The following CAMK1D variants were observed in gnomAD, a reference collection of about 807,000 sequenced individuals.
CAMK1D encodes the protein calcium/calmodulin dependent protein kinase ID.
Under a neutral mutation model 47.7 loss-of-function variants are expected in CAMK1D, and 9 were observed. The observed-to-expected ratio is 0.19, with a 90% CI of 0.11 to 0.33. The LOEUF (loss-of-function observed/expected upper bound fraction) is 0.33. Among genes scored for constraint, CAMK1D ranks in the 10% least tolerant of loss-of-function variants. CAMK1D has a pLI of 1.00. For missense variants in CAMK1D, 291 were observed against 488.7 expected (o/e 0.60, Z 3.81); for synonymous variants, 184 against 184.9 (o/e 0.99, Z 0.04).
At chr10:12,649,772 C>T (rs1347243974) in intron 2 of CAMK1D, among the ~76,000 whole-genome samples, 1 of 152,188 alleles carries the variant, frequency 6.6e-6, no homozygotes, top group Non-Finnish European at 1.5e-5. Context: ...AACTCATTCT[C>T]CAAGGAAATC....
intron 1 of CAMK1D, among the ~76,000 whole-genome samples, chr10:12,397,444 C>G (rs1211847031): frequency 6.6e-6 from 1 of 152,148 alleles, no homozygotes; most frequent in Non-Finnish European, 1.5e-5. Context: ...CAGATAAAAC[C>G]ATTTATTCTT....
At chr10:12,682,564 T>C (rs1832485833) in intron 3 of CAMK1D, among the ~76,000 whole-genome samples, 1 of 152,222 alleles carries the variant, frequency 6.6e-6, no homozygotes, top group African/African-American at 2.4e-5. Context: ...TGAATATAGA[T>C]ATTGCAGCAG....
chr10:12,527,667 C>T (rs554342161), intron 1 of CAMK1D, among the ~76,000 whole-genome samples: 4 of 152,106 alleles, frequency 2.6e-5, no homozygotes, highest in South Asian at 2.1e-4. Context: ...TGAGCCACCG[C>T]GCCCAGTTTT....
At chr10:12,541,405 C>T (rs979274182) in intron 1 of CAMK1D, among the ~76,000 whole-genome samples, 7 of 152,068 alleles carry the variant, frequency 4.6e-5, no homozygotes, top group Non-Finnish European at 8.8e-5. Context: ...GCTCTGTGAC[C>T]CAGGCTGGAG....
At chr10:12,472,257 C>G (rs1833769353) in intron 1 of CAMK1D, among the ~76,000 whole-genome samples, 1 of 152,102 alleles carries the variant, frequency 6.6e-6, no homozygotes, top group African/African-American at 2.4e-5. Flanking sequence ...CATGTCTAAA[C>G]TTATCACGAG....
intron 2 of CAMK1D, among the ~76,000 whole-genome samples, chr10:12,585,839 C>G (rs1461994773): frequency 6.6e-6 from 1 of 152,228 alleles, no homozygotes; most frequent in Non-Finnish European, 1.5e-5. Flanking sequence ...CAGTGACCTG[C>G]CATCTCGATC....
chr10:12,774,068 G>T (rs1208627704), intron 5 of CAMK1D, among the ~76,000 whole-genome samples: 3 of 126,464 alleles, frequency 2.4e-5, no homozygotes, highest in Non-Finnish European at 3.3e-5. Context: ...ACTGGTGCGG[G>T]GGGAGGGGGG....
At chr10:12,790,623 A>T (rs958810088) in intron 5 of CAMK1D, among the ~76,000 whole-genome samples, 84 of 147,752 alleles carry the variant, frequency 5.7e-4, no homozygotes, top group African/African-American at 1.0e-3. Context: ...GCACACACAC[A>T]CTCACCCACA....
At chr10:12,745,426 C>A (rs912403414) in intron 3 of CAMK1D, among the ~76,000 whole-genome samples, 1 of 151,998 alleles carries the variant, frequency 6.6e-6, no homozygotes, top group South Asian at 2.1e-4. Context: ...CACACACACG[C>A]TAGAATACTA....
intron 2 of CAMK1D, among the ~76,000 whole-genome samples, chr10:12,578,160 G>A (rs1048614776): frequency 3.9e-5 from 6 of 151,926 alleles, no homozygotes; most frequent in African/African-American, 1.5e-4. Context: ...CTGCAGCCTC[G>A]ACCTCCCGGG....
At position 12,464,814 on chromosome 10, in the gene CAMK1D, TAA is replaced by T. The variant is rs11286227; in HGVS notation, c.93-88395_93-88394del. Among the ~76,000 whole-genome samples the T allele has an allele frequency of 6.3e-3, 894 of 142,270 alleles. 5 individuals carry two copies. Among genetic ancestry groups the T allele is most frequent in the African/African-American group, 0.018 (677 of 37,814 alleles). The allele number at this position is 142,270 out of a possible 152,430, so 93.3% of individuals were successfully genotyped here. Reference sequence around the variant, plus strand: ...TGGGTGACAGAGCGAGACTCCATCTTAAAAAAAAAAAAAAAAAGAGTGATCAA... The same window carrying T: ...TGGGTGACAGAGCGAGACTCCATCTTAAAAAAAAAAAAAAAGAGTGATCAA... On this transcript the variant is annotated intron_variant, in intron 1 of 10. Transcript: ENST00000619168.
chr10:12,598,175 A>G (rs3995697), intron 2 of CAMK1D, among the ~76,000 whole-genome samples: 1 of 152,224 alleles, frequency 6.6e-6, no homozygotes, highest in African/African-American at 2.4e-5. Context: ...CGGGAAAGCA[A>G]TAGCAGAACC....
intron 2 of CAMK1D, among the ~76,000 whole-genome samples, chr10:12,603,995 T>C (rs1346544383): frequency 6.6e-6 from 1 of 152,184 alleles, no homozygotes; most frequent in Non-Finnish European, 1.5e-5. Context: ...GCCTGCTTCA[T>C]AGCCAGCCAC....
At chr10:12,531,701 T>G (rs753062095) in intron 1 of CAMK1D, among the ~76,000 whole-genome samples, 4 of 152,208 alleles carry the variant, frequency 2.6e-5, no homozygotes, top group Non-Finnish European at 4.4e-5. Context: ...TGCAGACTAA[T>G]TATAACTGAG....
chr10:12,618,407 A>G (rs1022989793), intron 2 of CAMK1D, among the ~76,000 whole-genome samples: 1 of 152,080 alleles, frequency 6.6e-6, no homozygotes, highest in South Asian at 2.1e-4. Context: ...TCTCTAGTTC[A>G]TTGTTTATAG....
At chr10:12,450,226 T>G (rs1489486750) in intron 1 of CAMK1D, among the ~76,000 whole-genome samples, 2 of 152,130 alleles carry the variant, frequency 1.3e-5, no homozygotes, top group Non-Finnish European at 2.9e-5. Flanking sequence ...TTATCACAAC[T>G]AATACAATTA....
At chr10:12,416,134 C>A (rs922772019) in intron 1 of CAMK1D, 2 of 151,920 alleles carry the variant, frequency 1.3e-5, no homozygotes, top group African/African-American at 4.8e-5. Flanking sequence ...ATATAGAATT[C>A]ACTTTTTGGA....
At chr10:12,609,213 C>G (rs545374129) in intron 2 of CAMK1D, among the ~76,000 whole-genome samples, 1 of 152,198 alleles carries the variant, frequency 6.6e-6, no homozygotes, top group South Asian at 2.1e-4. Context: ...ATTCAGTGAC[C>G]AAAGAGAGCT....
intron 3 of CAMK1D, among the ~76,000 whole-genome samples, chr10:12,745,705 C>T (rs776277471): frequency 4.6e-5 from 7 of 151,374 alleles, no homozygotes; most frequent in African/African-American, 1.7e-4. Context: ...TGGGTTCAAA[C>T]GATTCTCCTG....
Sources: allele counts gnomAD v4.1 joint callset (sites outside exome capture counted in the v4.1 genomes callset), GRCh38; gene constraint gnomAD v4.1.1; transcripts MANE v1.5; gene names NCBI Gene and HGNC (gene_info 2026-07-23, HGNC 2026-07-21).